Variants in ESM1 observed in about 807,000 individuals in gnomAD.
The protein encoded by ESM1 is endothelial cell specific molecule 1, also known as endothelial cell-specific molecule 1.
ESM1 carries 7 observed loss-of-function variants against 14.9 expected under a neutral mutation model. The observed-to-expected ratio is 0.47, with a 90% CI of 0.27 to 0.88. ESM1 has a LOEUF of 0.88. Ranked by LOEUF, ESM1 falls within the 40% of genes least tolerant of loss-of-function variation. The pLI is 0.14. For missense variants in ESM1, 192 were observed against 237.9 expected (o/e 0.81, Z 1.27); for synonymous variants, 89 against 89.4 (o/e 1.00, Z 0.02).
chr5:54,983,471 A>G (rs961515606), intron 1 of ESM1, among the ~76,000 whole-genome samples: 2 of 152,242 alleles, frequency 1.3e-5, no homozygotes, highest in Non-Finnish European at 2.9e-5. Context: ...CAAGATGTTC[A>G]CAGACATCTG....
chr5:54,985,378 A>G lies in ESM1; in HGVS notation c.140T>C (p.Val47Ala). The change falls in exon 1 of 3, where the codon GTG becomes GCG. Residue 47 changes from valine (V) to alanine (A), a missense_variant. Transcript: ENST00000381405. ...CKSSPRCKRTVLDDCGCCRVC... is the reference protein window; with the variant it reads ...CKSSPRCKRTALDDCGCCRVC... Reference sequence around the variant, plus strand: ...TCGGCAGCAGCCACAGTCGTCGAGCACTGTCCTCTTGCAGCGCGGGCTGCT... The same window carrying G: ...TCGGCAGCAGCCACAGTCGTCGAGCGCTGTCCTCTTGCAGCGCGGGCTGCT... 6.2e-7 allele frequency: 1 copy of G among 1,614,194 alleles called. No individual in the cohort carries two copies. Among genetic ancestry groups the G allele is most frequent in the Non-Finnish European group, 8.5e-7 (1 of 1,180,030 alleles).
chr5:54,985,137 G>T (rs1251211161), intron 1 of ESM1, 80 bp downstream of exon 1: 3 of 1,357,024 alleles, frequency 2.2e-6, no homozygotes, highest in Admixed American at 2.1e-5. Context: ...CTCTTGAGGA[G>T]CAAAGCCACC....
chr5:54,985,176 A>C (rs543868132), intron 1 of ESM1, 41 bp downstream of exon 1: 1 of 1,540,002 alleles, frequency 6.5e-7, no homozygotes, highest in African/African-American at 1.4e-5. Flanking sequence ...AAAAGCTCTC[A>C]GCATGCCCCG....
intron 1 of ESM1, among the ~76,000 whole-genome samples, chr5:54,984,194 A>G (rs1740475906): frequency 6.6e-6 from 1 of 151,998 alleles, no homozygotes; most frequent in South Asian, 2.1e-4. Flanking sequence ...CTGGATAAAT[A>G]TTATTCATAA....
chr5:54,983,478 T>A lies in ESM1; in HGVS notation c.302-1332A>T, dbSNP rs1311065128. On this transcript the variant is annotated intron_variant, in intron 1 of 2. Transcript: ENST00000381405. ...AATCTGGGCAAGATGTTCACAGACA[T>A]CTGAATATTTAGAAGACATTTGGAT... is the stretch of plus-strand genomic sequence containing the variant. Among the ~76,000 whole-genome samples the A allele has an allele frequency of 3.3e-5, 5 of 152,228 alleles. No homozygotes were observed. The South Asian group carries it at 1.0e-3, about 32-fold the overall frequency.
chr5:54,981,567 T>C (rs2112248965), intron 2 of ESM1, among the ~76,000 whole-genome samples: 1 of 152,342 alleles, frequency 6.6e-6, no homozygotes, highest in East Asian at 1.9e-4. Flanking sequence ...ATATTTTCTA[T>C]CTTGACTCTT....
Position 54,979,076 on chromosome 5 carries a change from C to T in ESM1, c.*256G>A. 2.8e-6 allele frequency: 1 copy of T among 357,238 alleles called. No homozygotes were observed. Among genetic ancestry groups the T allele is most frequent in the South Asian group, 4.7e-5 (1 of 21,212 alleles). The allele number at this position is 357,238 out of a possible 1,614,324, so 22.1% of individuals were successfully genotyped here. On this transcript the variant is annotated 3_prime_UTR_variant, in exon 3 of 3. Coordinates refer to ENST00000381405, the MANE Select transcript of ESM1 (RefSeq NM_007036.5). ...GATTACCTAAATTGCATTTTTAGTT[C>T]TTCAGTGTTACTATACACACACATT...
At chr5:54,980,716 T>A (rs1455333638) in intron 2 of ESM1, among the ~76,000 whole-genome samples, 1 of 152,228 alleles carries the variant, frequency 6.6e-6, no homozygotes, top group Non-Finnish European at 1.5e-5. Flanking sequence ...ATAATGTAAG[T>A]ATTGTTATGG....
rs1429334893 is a variant in ESM1, at chr5:54,978,849, A to G, written c.*483T>C. 2 of 147,080 alleles carry G rather than the reference A, an allele frequency of 1.4e-5. No homozygotes were observed. The highest frequency in any genetic ancestry group is 2.5e-5 in the African/African-American group (1 of 40,796). The allele number at this position is 147,080 out of a possible 1,614,324, so 9.1% of individuals were successfully genotyped here. On this transcript the variant is annotated 3_prime_UTR_variant, in exon 3 of 3. Transcript: ENST00000381405. The stretch of plus-strand genomic sequence containing the variant: ...AAGCCAAAAAAAAAAAAAAAAGCAC[A>G]ATTAAATTCTAGAGAAGCTACCTAC...
intron 2 of ESM1, among the ~76,000 whole-genome samples, chr5:54,981,751 A>T (rs1187989405): frequency 6.6e-6 from 1 of 152,218 alleles, no homozygotes; most frequent in Non-Finnish European, 1.5e-5. Context: ...TTATCCTCCT[A>T]TAAATCATAT....
intron 1 of ESM1, among the ~76,000 whole-genome samples, chr5:54,982,709 G>A (rs186770088): frequency 1.0e-3 from 153 of 152,210 alleles, no homozygotes; most frequent in Non-Finnish European, 1.2e-3. Flanking sequence ...CTTATTTGTC[G>A]AAACGGCATG....
intron 1 of ESM1, among the ~76,000 whole-genome samples, chr5:54,983,757 A>G (rs1740449085): frequency 6.6e-6 from 1 of 152,220 alleles, no homozygotes; most frequent in Admixed American, 6.5e-5. Flanking sequence ...CAGATGCCAC[A>G]CAGCTTGTTT....
In ESM1 at chr5:54,979,312, C is replaced by T; in HGVS notation, c.*20G>A. The T allele has an allele frequency of 1.9e-6, 3 of 1,575,240 alleles. No homozygotes were observed. Among genetic ancestry groups the T allele is most frequent in the Non-Finnish European group, 2.6e-6 (3 of 1,145,208 alleles). On this transcript the variant is annotated 3_prime_UTR_variant, in exon 3 of 3. Transcript: ENST00000381405. ...AACAATCACGAAAATAGAGCCTTCT[C>T]TCAGAAATCACAGCCGGGATCAGCG...
rs1212144506 is a variant in ESM1, at chr5:54,985,556, T to C, written c.-39A>G. On this transcript the variant is annotated 5_prime_UTR_variant, in exon 1 of 3. Transcript: ENST00000381405. ...CTCCGGCTCGGCTCTCCAGTCGTGG[T>C]CTTTGCTGGTGGGAAGCAGCCGTCC... The C allele has an allele frequency of 6.5e-7, 1 of 1,550,376 alleles. No homozygotes were observed.
chr5:54,985,067 C>G (rs954702301), intron 1 of ESM1, 150 bp downstream of exon 1: 10 of 699,176 alleles, frequency 1.4e-5, no homozygotes, highest in African/African-American at 3.5e-5. Context: ...CCTTCAGTCT[C>G]TACCCATGAC....
chr5:54,981,392 A>G (rs576873181), intron 2 of ESM1, among the ~76,000 whole-genome samples: 3 of 152,342 alleles, frequency 2.0e-5, no homozygotes, highest in African/African-American at 7.2e-5. Flanking sequence ...ACACCTGTAT[A>G]AGAAATACAC....
At chr5:54,979,805 T>C (rs1744016457) in intron 2 of ESM1, among the ~76,000 whole-genome samples, 1 of 152,204 alleles carries the variant, frequency 6.6e-6, no homozygotes, top group Non-Finnish European at 1.5e-5. Flanking sequence ...ACTTAATAAA[T>C]ACTTATGGAA....
At position 54,985,245 on chromosome 5, in the gene ESM1, A is replaced by G; in HGVS notation, c.273T>C (p.Pro91=). 1 of 1,612,694 alleles carries G rather than the reference A, an allele frequency of 6.2e-7. No individual in the cohort carries two copies. Among genetic ancestry groups the G allele is most frequent in the Non-Finnish European group, 8.5e-7 (1 of 1,178,920 alleles). The stretch of plus-strand genomic sequence containing the variant: ...TGCAGATACCAAACTCTTCACCAAA[A>G]GGATCCTCCCCATTAGAAGGCTGAC... ...LRCQPSNGED[P]FGEEFGICKD... is the part of the protein sequence containing the mutation. The change falls in exon 1 of 3, where the codon CCT becomes CCC. Residue 91 remains proline (P), a synonymous_variant. Transcript: ENST00000381405.
In ESM1 at chr5:54,980,194, A is replaced by G. The variant is rs1490084148; in HGVS notation, c.452-759T>C. Among the ~76,000 whole-genome samples the G allele has an allele frequency of 2.0e-5, 3 of 152,196 alleles. No homozygotes were observed. In the East Asian group the frequency reaches 5.8e-4, roughly 29 times the overall value. On this transcript the variant is annotated intron_variant, in intron 2 of 2. Coordinates refer to ENST00000381405, the MANE Select transcript of ESM1 (RefSeq NM_007036.5). ...CCAACTTGGGAAGCTCACTGCCAAA[A>G]AAAAGAACACCAAGTGGAACACTGT...
Sources: allele counts gnomAD v4.1 joint callset (sites outside exome capture counted in the v4.1 genomes callset), GRCh38; gene constraint gnomAD v4.1.1; transcripts MANE v1.5; gene names NCBI Gene and HGNC (gene_info 2026-07-23, HGNC 2026-07-21).